Variants in CDH4 observed in about 807,000 individuals in gnomAD.
The protein encoded by CDH4 is cadherin-4.
CDH4 carries 33 observed loss-of-function variants against 86.0 expected under a neutral mutation model. The observed-to-expected ratio is 0.38, with a 90% CI of 0.29 to 0.51. The LOEUF is 0.51. CDH4 is among the 20% of genes least tolerant of loss of function. The probability of loss-of-function intolerance (pLI) is 0.86; values close to 1 mark genes in which losing one functional copy is unlikely to be tolerated. For missense variants in CDH4, 1,114 were observed against 1,307.4 expected, an observed-to-expected ratio of 0.85 and a Z score of 2.28; for synonymous variants, 555 against 549.4, an observed-to-expected ratio of 1.01 and a Z score of -0.14.
intron 2 of CDH4, among the ~76,000 whole-genome samples, chr20:61,653,161 G>A (rs1039628729): frequency 2.4e-5 from 3 of 127,462 alleles, no homozygotes; most frequent in Non-Finnish European, 5.4e-5. Context: ...CTGCCTTCAA[G>A]CATCTGTTTA....
At chr20:61,899,780 C>T (rs552378219) in intron 8 of CDH4, among the ~76,000 whole-genome samples, 1 of 152,306 alleles carries the variant, frequency 6.6e-6, no homozygotes, top group South Asian at 2.1e-4. Context: ...GGTTTCCCCA[C>T]AGGGTCTCCG....
intron 3 of CDH4, among the ~76,000 whole-genome samples, chr20:61,756,539 C>T (rs1352153563): frequency 6.6e-6 from 1 of 150,678 alleles, no homozygotes; most frequent in Non-Finnish European, 1.5e-5. Context: ...CCCATCACCC[C>T]ATCCCCTGGA....
At chr20:61,404,982 G>A (rs559856948) in intron 2 of CDH4, among the ~76,000 whole-genome samples, 163 of 152,294 alleles carry the variant, frequency 1.1e-3, no homozygotes, top group African/African-American at 3.7e-3. Flanking sequence ...CCTGGGAGGC[G>A]GAGGTTGCAG....
chr20:61,517,971 C>T lies in CDH4; in HGVS notation c.170-225592C>T, dbSNP rs1310244862. 3.3e-5 allele frequency among the ~76,000 whole-genome samples: 5 copies of T among 151,812 alleles called. No homozygotes were observed. Among genetic ancestry groups the T allele is most frequent in the South Asian group, 2.1e-4 (1 of 4,764 alleles). On this transcript the variant is annotated intron_variant, in intron 2 of 15. Coordinates refer to ENST00000614565, the MANE Select transcript of CDH4 (RefSeq NM_001794.5). This position sits in a 1 kb window ranked among gnomAD's most constrained non-coding sequence, Gnocchi z 6.6. ...GCTGATTGCCCCTGGATGGGCCTCT[C>T]GTGTGGGGCTGGGGCAGGAGCTGCC... is the stretch of plus-strand genomic sequence containing the variant.
intron 2 of CDH4, among the ~76,000 whole-genome samples, chr20:61,385,992 C>T (rs1287990069): frequency 6.6e-6 from 1 of 152,180 alleles, no homozygotes; most frequent in Non-Finnish European, 1.5e-5. Flanking sequence ...CCACAGTTGT[C>T]CTAGCGCCTG....
intron 2 of CDH4, among the ~76,000 whole-genome samples, chr20:61,713,654 C>A (rs58628252): frequency 0.22 from 33,549 of 152,226 alleles, 4,625 homozygotes; most frequent in East Asian, 0.34. Flanking sequence ...CTGAGTGAGG[C>A]CCTGGGGCAA....
chr20:61,680,370 G>A (rs2087498285), intron 2 of CDH4, among the ~76,000 whole-genome samples: 1 of 152,204 alleles, frequency 6.6e-6, no homozygotes, highest in Admixed American at 6.5e-5. Flanking sequence ...CCTGATGGAG[G>A]TGGCTCCTGC....
At position 61,565,372 on chromosome 20, in the gene CDH4, GTGGT is replaced by G. The variant is rs2086287088; in HGVS notation, c.170-178190_170-178187del. Among the ~76,000 whole-genome samples, 2 of 62,376 alleles carry G rather than the reference GTGGT, an allele frequency of 3.2e-5. 1 individual carries two copies. Among genetic ancestry groups the G allele is most frequent in the African/African-American group, 1.6e-4 (2 of 12,356 alleles). The allele number at this position is 62,376 out of a possible 152,430, so 40.9% of individuals were successfully genotyped here. A position where few individuals can be genotyped will look rare whatever the true frequency, so the allele number is the denominator to read the frequency against. On this transcript the variant is annotated intron_variant, in intron 2 of 15. Coordinates refer to ENST00000614565, the MANE Select transcript of CDH4 (RefSeq NM_001794.5). ...TCTTGGTGATGGGGTGATGGTGGTGGTGGTCCTCTTGGTGATGGGGTGATGGTGG... is the reference window on the plus strand; with the variant it reads ...TCTTGGTGATGGGGTGATGGTGGTGGCCTCTTGGTGATGGGGTGATGGTGG...
chr20:61,518,311 T>A lies in CDH4; in HGVS notation c.170-225252T>A, dbSNP rs1208571519. Among the ~76,000 whole-genome samples the A allele has an allele frequency of 6.6e-6, 1 of 152,144 alleles. No individual in the cohort carries two copies. The highest frequency in any genetic ancestry group is 1.5e-5 in the Non-Finnish European group (1 of 68,014). Reference sequence around the variant, plus strand: ...AGGACTCCCAGGTGCAGAGATGGGCTCTTAACCACCTCTTCCCTATGCTAA... The same window carrying A: ...AGGACTCCCAGGTGCAGAGATGGGCACTTAACCACCTCTTCCCTATGCTAA... On this transcript the variant is annotated intron_variant, in intron 2 of 15. Coordinates refer to ENST00000614565, the MANE Select transcript of CDH4 (RefSeq NM_001794.5). The surrounding 1 kb of genome is among the most constrained non-coding windows in gnomAD (Gnocchi z 6.3).
intron 2 of CDH4, among the ~76,000 whole-genome samples, chr20:61,581,948 GC>G (rs1237632023): frequency 6.6e-6 from 1 of 152,220 alleles, no homozygotes; most frequent in Middle Eastern, 3.2e-3. Flanking sequence ...GCCCTGGCTG[GC>G]CTGCCTGAGG....
chr20:61,828,558 A>G (rs577417635), intron 4 of CDH4, among the ~76,000 whole-genome samples: 34 of 152,304 alleles, frequency 2.2e-4, no homozygotes, highest in African/African-American at 7.0e-4. Context: ...TGTGTGCCCC[A>G]CCTTCGGAAT....
intron 4 of CDH4, among the ~76,000 whole-genome samples, chr20:61,817,383 C>T (rs1354411832): frequency 1.3e-5 from 2 of 152,198 alleles, no homozygotes; most frequent in Non-Finnish European, 2.9e-5. Context: ...TACCCAGATC[C>T]GAGCTCTGCC....
At chr20:61,860,417 T>C (rs957550788) in intron 6 of CDH4, among the ~76,000 whole-genome samples, 1 of 152,208 alleles carries the variant, frequency 6.6e-6, no homozygotes, top group African/African-American at 2.4e-5. Flanking sequence ...AAATCAGCCA[T>C]GTCTGAACGA....
chr20:61,688,388 C>G (rs926893113), intron 2 of CDH4, among the ~76,000 whole-genome samples: 16 of 152,048 alleles, frequency 1.1e-4, no homozygotes, highest in Non-Finnish European at 1.0e-4. Context: ...CAAGGAACTT[C>G]CTTCTGAATG....
intron 2 of CDH4, among the ~76,000 whole-genome samples, chr20:61,597,804 C>A (rs547089973): frequency 2.4e-4 from 37 of 152,222 alleles, no homozygotes; most frequent in African/African-American, 8.9e-4. Flanking sequence ...GTGGACAAAA[C>A]AATGAAAGAG....
Position 61,862,547 on chromosome 20 carries a change from A to G in CDH4, c.877+9649A>G, listed in dbSNP as rs1236759143. On this transcript the variant is annotated intron_variant, in intron 6 of 15. Coordinates refer to ENST00000614565, the MANE Select transcript of CDH4 (RefSeq NM_001794.5). Reference sequence around the variant, plus strand: ...CTCGTCCAGGGCAGGAGGGCAGTGGACAGCCAGCCTGCCATCCGTACTGCC... The same window carrying G: ...CTCGTCCAGGGCAGGAGGGCAGTGGGCAGCCAGCCTGCCATCCGTACTGCC... Among the ~76,000 whole-genome samples, 3 of 152,302 alleles carry G rather than the reference A, an allele frequency of 2.0e-5. No individual in the cohort carries two copies. The East Asian group carries it at 5.8e-4, about 29-fold the overall frequency.
chr20:61,259,451 C>G (rs1196128053), intron 2 of CDH4, among the ~76,000 whole-genome samples: 1 of 152,166 alleles, frequency 6.6e-6, no homozygotes, highest in African/African-American at 2.4e-5. Flanking sequence ...ATGTCCAGCA[C>G]CGGCCTAATG....
intron 2 of CDH4, among the ~76,000 whole-genome samples, chr20:61,673,697 C>A (rs981334869): frequency 6.6e-6 from 1 of 152,156 alleles, no homozygotes; most frequent in African/African-American, 2.4e-5. Flanking sequence ...GTTCATTAGT[C>A]TGATTCAGCA....
At chr20:61,442,853 G>A (rs1029817397) in intron 2 of CDH4, among the ~76,000 whole-genome samples, 5 of 152,218 alleles carry the variant, frequency 3.3e-5, no homozygotes, top group Non-Finnish European at 5.9e-5. Flanking sequence ...GCAGTCCCCC[G>A]GCCTTGGCAC....
Sources: gnomAD v4.1 joint callset for allele counts (sites outside exome capture counted in the v4.1 genomes callset) on GRCh38, gnomAD v4.1.1 for gene constraint, Gnocchi (gnomAD v3.1) non-coding constraint, MANE v1.5 for transcripts, NCBI Gene and HGNC (gene_info 2026-07-23, HGNC 2026-07-21) for gene names.